The following DPH6 variants were observed in gnomAD, a reference collection of about 807,000 sequenced individuals.
The protein encoded by DPH6 is diphthine--ammonia ligase.
In DPH6, 33 loss-of-function variants were observed where a neutral mutation model predicts 38.2. That is an observed-to-expected ratio of 0.86 (90% CI 0.65 to 1.15). The LOEUF (loss-of-function observed/expected upper bound fraction) is 1.15. DPH6 is among the 50% of genes most tolerant of loss of function. DPH6 has a pLI of 0.00. For missense variants in DPH6, 325 were observed against 320.0 expected (o/e 1.02, Z -0.12); for synonymous variants, 108 against 103.0 (o/e 1.05, Z -0.30).
At chr15:35,179,498 T>C in the DPH6 span, among the ~76,000 whole-genome samples, 15 of 152,198 alleles carry the variant, frequency 9.9e-5, no homozygotes, top group African/African-American at 3.6e-4. Context: ...TATGTTTTCA[T>C]TTAAAGAACA....
chr15:35,183,416 T>G, the DPH6 span, among the ~76,000 whole-genome samples: 1 of 152,212 alleles, frequency 6.6e-6, no homozygotes, highest in African/African-American at 2.4e-5. Flanking sequence ...TTCACTTTGA[T>G]TTTTGATGTT....
intron 3 of DPH6, chr15:35,299,518 G>A (rs2052040100): frequency 7.7e-6 from 5 of 652,446 alleles, no homozygotes; most frequent in Non-Finnish European, 1.4e-5. Flanking sequence ...AGCCGGGGAG[G>A]CAGGAGCCAA....
intron 3 of DPH6, among the ~76,000 whole-genome samples, chr15:35,485,706 C>CT (rs1034736948): frequency 1.3e-5 from 2 of 152,186 alleles, no homozygotes; most frequent in Admixed American, 1.3e-4. Flanking sequence ...GGATATAATA[C>CT]TTTGAGTTTA....
In DPH6 at chr15:35,381,934, C is replaced by A. The variant is rs779636291; in HGVS notation, c.568-18G>T. ...TTAGAAAGCTGAAAATAGGAAAACA[C>A]AAAAAACAAGAAAGAAGTTTAAAAT... On this transcript the variant is annotated intron_variant, in intron 6 of 8. Coordinates refer to ENST00000256538, the MANE Select transcript of DPH6 (RefSeq NM_080650.4). The A allele has an allele frequency of 1.3e-5, 20 of 1,577,600 alleles. No homozygotes were observed. The African/African-American group carries it at 2.2e-4, about 17-fold the overall frequency.
chr15:35,187,329 A>G, the DPH6 span, among the ~76,000 whole-genome samples: 1 of 152,236 alleles, frequency 6.6e-6, no homozygotes, highest in Non-Finnish European at 1.5e-5. Flanking sequence ...ACTACAGGAT[A>G]CTATCTCATG....
chr15:35,317,169 G>A (rs1157998530), intron 3 of DPH6, among the ~76,000 whole-genome samples: 2 of 152,046 alleles, frequency 1.3e-5, no homozygotes, highest in Non-Finnish European at 2.9e-5. Flanking sequence ...TGAGACAGGA[G>A]GATTGCTTGA....
intron 5 of DPH6, among the ~76,000 whole-genome samples, chr15:35,425,810 C>CATATATATATATATATATATATAT (rs71741742): frequency 1.4e-5 from 2 of 142,026 alleles, no homozygotes; most frequent in African/African-American, 5.1e-5. Flanking sequence ...TATGACATGA[C>CATATATATATATATATATATATAT]ATATATATAT....
chr15:35,376,976 G>GCATATATAAACATATTCATATATGCA (rs2052789684), intron 7 of DPH6, among the ~76,000 whole-genome samples: 1 of 151,872 alleles, frequency 6.6e-6, no homozygotes, highest in African/African-American at 2.4e-5. Flanking sequence ...CATGCATACT[G>GCATATATAAACATATTCATATATGCA]CATATATAAA....
chr15:35,192,607 G>C, the DPH6 span, among the ~76,000 whole-genome samples: 1 of 152,158 alleles, frequency 6.6e-6, no homozygotes, highest in Non-Finnish European at 1.5e-5. Context: ...TTAAGCTTGA[G>C]TATTAATCCA....
At chr15:35,495,493 C>T (rs11631393) in intron 3 of DPH6, among the ~76,000 whole-genome samples, 95,656 of 151,938 alleles carry the variant, frequency 0.63, 33,705 homozygotes, top group South Asian at 0.82. Context: ...TAATACATAC[C>T]GGCACTAGCA....
At chr15:35,458,303 CTCTT>C (rs10527150) in intron 3 of DPH6, among the ~76,000 whole-genome samples, 3,795 of 152,164 alleles carry the variant, frequency 0.025, 155 homozygotes, top group African/African-American at 0.085. Flanking sequence ...GGTTTTAACA[CTCTT>C]TCTCATTATG....
chr15:35,511,286 G>C (rs16961140), intron 3 of DPH6, among the ~76,000 whole-genome samples: 14,126 of 152,052 alleles, frequency 0.093, 905 homozygotes, highest in African/African-American at 0.18. Flanking sequence ...AAATATTACA[G>C]ATGACCATAA....
At chr15:35,343,712 G>C (rs1373416074) in intron 3 of DPH6, among the ~76,000 whole-genome samples, 1 of 151,874 alleles carries the variant, frequency 6.6e-6, no homozygotes, top group African/African-American at 2.4e-5. Flanking sequence ...CGTTGGATTT[G>C]GTGACATTGT....
At chr15:35,249,899 C>T (rs1285425101) in intron 3 of DPH6, among the ~76,000 whole-genome samples, 1 of 151,892 alleles carries the variant, frequency 6.6e-6, no homozygotes, top group Admixed American at 6.6e-5. Context: ...CGCGGTGGCT[C>T]ACGCCTGTAA....
At chr15:35,355,546 GT>G (rs2052552246) in intron 3 of DPH6, among the ~76,000 whole-genome samples, 1 of 152,116 alleles carries the variant, frequency 6.6e-6, no homozygotes, top group Admixed American at 6.5e-5. Context: ...CACTTATGAA[GT>G]TTAGTTTAGC....
At chr15:35,328,640 G>GT (rs1054949707), downstream of DPH6, among the ~76,000 whole-genome samples, 2 of 152,158 alleles carry the variant, frequency 1.3e-5, no homozygotes, top group Non-Finnish European at 2.9e-5. Context: ...GTGAAATTAT[G>GT]TAAAACTAAA....
At chr15:35,194,383 G>C in the DPH6 span, among the ~76,000 whole-genome samples, 1 of 151,920 alleles carries the variant, frequency 6.6e-6, no homozygotes, top group Non-Finnish European at 1.5e-5. Context: ...GAGAGAGAGA[G>C]AGAGAGAGAG....
chr15:35,545,871 A>G (rs943718966), intron 1 of DPH6, among the ~76,000 whole-genome samples: 20 of 152,086 alleles, frequency 1.3e-4, no homozygotes, highest in African/African-American at 4.8e-4. Flanking sequence ...CTTGAATCCA[A>G]TGGGAATCCA....
At chr15:35,301,393 G>C (rs2052053688) in intron 3 of DPH6, among the ~76,000 whole-genome samples, 1 of 152,194 alleles carries the variant, frequency 6.6e-6, no homozygotes, top group Non-Finnish European at 1.5e-5. Flanking sequence ...GCTAAGTCAG[G>C]TGGTAAAATA....
Sources: gnomAD v4.1 joint callset for allele counts (sites outside exome capture counted in the v4.1 genomes callset) on GRCh38, gnomAD v4.1.1 for gene constraint, MANE v1.5 for transcripts, NCBI Gene and HGNC (gene_info 2026-07-23, HGNC 2026-07-21) for gene names.